KCNIP1: variants seen among roughly 807,000 people sequenced by gnomAD.
KCNIP1 encodes A-type potassium channel modulatory protein KCNIP1.
Under a neutral mutation model 33.0 loss-of-function variants are expected in KCNIP1, and 18 were observed. The observed-to-expected ratio is 0.55, with a 90% CI of 0.38 to 0.81. KCNIP1 has a LOEUF of 0.81. Among genes scored for constraint, KCNIP1 ranks in the 30% least tolerant of loss-of-function variants. The pLI, the probability that KCNIP1 is intolerant of heterozygous loss-of-function variation, is 0.00. For missense variants in KCNIP1, 238 were observed against 271.6 expected (o/e 0.88, Z 0.87); for synonymous variants, 93 against 98.3 (o/e 0.95, Z 0.32).
intron 1 of KCNIP1, among the ~76,000 whole-genome samples, chr5:170,717,992 C>A (rs536197375): frequency 6.6e-6 from 1 of 152,332 alleles, no homozygotes; most frequent in Non-Finnish European, 1.5e-5. Flanking sequence ...ATTCCACGGA[C>A]TTGGACCTTG....
chr5:170,594,045 A>T (rs1444658485), intron 1 of KCNIP1, among the ~76,000 whole-genome samples: 1 of 152,234 alleles, frequency 6.6e-6, no homozygotes, highest in Non-Finnish European at 1.5e-5. Flanking sequence ...CTTGGAAGAG[A>T]CATCTGACAT....
intron 1 of KCNIP1, chr5:170,378,721 G>A: frequency 6.2e-7 from 1 of 1,612,444 alleles, no homozygotes; most frequent in Non-Finnish European, 8.5e-7. Context: ...TGGGCCGCCA[G>A]GATGGACAGG....
chr5:170,734,131 G>A (rs908787797), intron 7 of KCNIP1, among the ~76,000 whole-genome samples: 4 of 152,072 alleles, frequency 2.6e-5, no homozygotes, highest in South Asian at 2.1e-4. Flanking sequence ...GGGTCTGGGG[G>A]CATGTGAAAA....
At chr5:170,600,241 TTGG>T (rs5873231) in intron 1 of KCNIP1, among the ~76,000 whole-genome samples, 24,538 of 152,144 alleles carry the variant, frequency 0.16, 2,146 homozygotes, top group Non-Finnish European at 0.2. Flanking sequence ...CTGCCCTGCC[TTGG>T]CTCCAGCCTC....
intron 1 of KCNIP1, among the ~76,000 whole-genome samples, chr5:170,397,488 T>C (rs543901100): frequency 1.6e-4 from 24 of 145,686 alleles, no homozygotes; most frequent in Non-Finnish European, 3.5e-4. Flanking sequence ...CTTGAGCACA[T>C]GGGGACTCCC....
At chr5:170,448,501 G>A (rs564307422) in intron 1 of KCNIP1, among the ~76,000 whole-genome samples, 17 of 152,368 alleles carry the variant, frequency 1.1e-4, no homozygotes, top group South Asian at 6.2e-4. Flanking sequence ...GGGAAGTGTG[G>A]GCTGCAAGCC....
At position 170,456,844 on chromosome 5, in the gene KCNIP1, G is replaced by A. The variant is rs188859160; in HGVS notation, c.88+102880G>A. Reference sequence around the variant, plus strand: ...AGTGATCCTCCTACCTCAGACTCTCGAGTAGCTGGAACCACAGGAGTGCAC... The same window carrying A: ...AGTGATCCTCCTACCTCAGACTCTCAAGTAGCTGGAACCACAGGAGTGCAC... On this transcript the variant is annotated intron_variant, in intron 1 of 7. Transcript: ENST00000377360. 7.0e-4 allele frequency among the ~76,000 whole-genome samples: 107 copies of A among 151,972 alleles called. No individual in the cohort carries two copies. In the Middle Eastern group the frequency reaches 0.017, roughly 24 times the overall value.
At chr5:170,459,399 A>C (rs1265804434) in intron 1 of KCNIP1, among the ~76,000 whole-genome samples, 1 of 152,228 alleles carries the variant, frequency 6.6e-6, no homozygotes, top group Non-Finnish European at 1.5e-5. Context: ...CATTCTATTC[A>C]ACTGCATATG....
chr5:170,681,831 A>G (rs1465984379), intron 1 of KCNIP1, among the ~76,000 whole-genome samples: 3 of 152,266 alleles, frequency 2.0e-5, no homozygotes, highest in African/African-American at 7.2e-5. Flanking sequence ...TTCAAGAAAC[A>G]AAGAGTTTTA....
At chr5:170,371,403 G>A (rs990671053) in intron 1 of KCNIP1, among the ~76,000 whole-genome samples, 1 of 152,196 alleles carries the variant, frequency 6.6e-6, no homozygotes, top group Non-Finnish European at 1.5e-5. Flanking sequence ...GTATCTGGAA[G>A]CATCTAACAA....
intron 1 of KCNIP1, chr5:170,378,792 CAGAAGAGGGAGA>C (rs1377118436): frequency 1.2e-5 from 19 of 1,614,084 alleles, no homozygotes; most frequent in Non-Finnish European, 1.6e-5. Flanking sequence ...GAAGGTGGGC[CAGAAGAGGGAGA>C]AGAGGAGGGC....
intron 1 of KCNIP1, among the ~76,000 whole-genome samples, chr5:170,385,697 G>GCTT (rs879616652): frequency 0.25 from 38,002 of 151,990 alleles, 4,966 homozygotes; most frequent in African/African-American, 0.32. Context: ...GAGAGGTAAA[G>GCTT]TGACTTGCCC....
At chr5:170,589,747 G>GAT (rs1758143800) in intron 1 of KCNIP1, among the ~76,000 whole-genome samples, 1 of 135,352 alleles carries the variant, frequency 7.4e-6, no homozygotes, top group African/African-American at 2.8e-5. Flanking sequence ...GGTGTGGTGT[G>GAT]GTGTGGTGTG....
chr5:170,445,116 G>A (rs1756082202), intron 1 of KCNIP1, among the ~76,000 whole-genome samples: 1 of 152,234 alleles, frequency 6.6e-6, no homozygotes, highest in Non-Finnish European at 1.5e-5. Flanking sequence ...CAAGGTACAT[G>A]TGCCTGGCCG....
chr5:170,440,407 TTCACAGA>T (rs563859078), intron 1 of KCNIP1, among the ~76,000 whole-genome samples: 42 of 152,184 alleles, frequency 2.8e-4, no homozygotes, highest in Non-Finnish European at 4.9e-4. Flanking sequence ...TCTCAGTTAT[TTCACAGA>T]TCACAAAACT....
chr5:170,625,341 A>G (rs1759780582), intron 1 of KCNIP1, among the ~76,000 whole-genome samples: 1 of 152,076 alleles, frequency 6.6e-6, no homozygotes, highest in South Asian at 2.1e-4. Context: ...AAGCCCCAAG[A>G]ATACAAGAGC....
At chr5:170,427,541 G>C (rs1407169551) in intron 1 of KCNIP1, among the ~76,000 whole-genome samples, 1 of 152,164 alleles carries the variant, frequency 6.6e-6, no homozygotes, top group South Asian at 2.1e-4. Flanking sequence ...AGCACAGCCT[G>C]CCATGGGGAA....
chr5:170,363,679 C>A (rs1228729760), intron 1 of KCNIP1, among the ~76,000 whole-genome samples: 2 of 152,190 alleles, frequency 1.3e-5, no homozygotes, highest in Non-Finnish European at 2.9e-5. Flanking sequence ...TGCATAGCAT[C>A]CTTTCCTATA....
chr5:170,387,092 G>A (rs1222151475), intron 1 of KCNIP1, among the ~76,000 whole-genome samples: 1 of 152,060 alleles, frequency 6.6e-6, no homozygotes, highest in African/African-American at 2.4e-5. Context: ...AAATTTATTT[G>A]CTGTTGTTTT....
Sources: allele counts gnomAD v4.1 joint callset (sites outside exome capture counted in the v4.1 genomes callset), GRCh38; gene constraint gnomAD v4.1.1; transcripts MANE v1.5; gene names NCBI Gene and HGNC (gene_info 2026-07-23, HGNC 2026-07-21).